The following MARCHF1 variants were observed in gnomAD, a reference collection of about 807,000 sequenced individuals.
MARCHF1 encodes membrane associated ring-CH-type finger 1, also known as E3 ubiquitin-protein ligase MARCHF1.
MARCHF1 carries 40 observed loss-of-function variants against 54.2 expected under a neutral mutation model. The ratio of observed to expected loss-of-function variants is 0.74; its 90% CI spans 0.57 to 0.96. The LOEUF is 0.96. Ranked by LOEUF, MARCHF1 falls within the 40% of genes least tolerant of loss-of-function variation. MARCHF1 has a pLI of 0.00. For synonymous variants in MARCHF1, 236 were observed against 236.3 expected (o/e 1.00, Z 0.01); for missense variants, 586 against 656.5 (o/e 0.89, Z 1.17).
At chr4:164,070,736 C>G (rs1172151437) in intron 2 of MARCHF1, among the ~76,000 whole-genome samples, 2 of 152,208 alleles carry the variant, frequency 1.3e-5, no homozygotes, top group African/African-American at 4.8e-5. Flanking sequence ...GCAAGGCAGG[C>G]AGAGTTACGC....
rs535696580 is a variant in MARCHF1 at position 164,147,867 on chromosome 4, G to A, written c.-322-36205C>T. ...AAAAATAAATTCCATTTCTCTTATG[G>A]CAAAAAAAAAATTACATATGTTATT... On this transcript the variant is annotated intron_variant, in intron 1 of 9. Coordinates refer to ENST00000514618, the MANE Select transcript of MARCHF1 (RefSeq NM_001394959.1). Among the ~76,000 whole-genome samples the A allele has an allele frequency of 6.3e-3, 745 of 117,484 alleles. 8 individuals are homozygous for A. The highest frequency in any genetic ancestry group is 0.019 in the African/African-American group (717 of 38,566). The allele number at this position is 117,484 out of a possible 152,430, so 77.1% of individuals were successfully genotyped here.
intron 9 of MARCHF1, among the ~76,000 whole-genome samples, chr4:163,537,647 C>G (rs1738583176): frequency 6.6e-6 from 1 of 152,120 alleles, no homozygotes; most frequent in South Asian, 2.1e-4. Context: ...CCATCTTTAC[C>G]TCTCAAGCAT....
intron 3 of MARCHF1, among the ~76,000 whole-genome samples, chr4:163,978,428 AT>A (rs1463446347): frequency 6.6e-6 from 1 of 152,178 alleles, no homozygotes. Context: ...AATGGTGTTT[AT>A]TTTATCCGAG....
At chr4:163,679,772 C>G (rs895850102) in intron 5 of MARCHF1, among the ~76,000 whole-genome samples, 3 of 151,926 alleles carry the variant, frequency 2.0e-5, no homozygotes, top group Non-Finnish European at 4.4e-5. Flanking sequence ...ACCACCACGC[C>G]CGGCTAATTT....
chr4:163,957,634 T>A (rs1280214118), intron 3 of MARCHF1, among the ~76,000 whole-genome samples: 3 of 152,064 alleles, frequency 2.0e-5, no homozygotes, highest in Admixed American at 6.6e-5. Context: ...ATTCTGAAAC[T>A]TAACTCTTTT....
At chr4:163,582,020 A>G (rs1467262360) in intron 8 of MARCHF1, among the ~76,000 whole-genome samples, 1 of 152,226 alleles carries the variant, frequency 6.6e-6, no homozygotes, top group East Asian at 1.9e-4. Context: ...GATAGTTGTC[A>G]GTAGTATTTG....
intron 4 of MARCHF1, among the ~76,000 whole-genome samples, chr4:163,833,301 G>A (rs932145385): frequency 7.9e-5 from 12 of 152,118 alleles, no homozygotes; most frequent in African/African-American, 2.9e-4. Context: ...CAGGACATAG[G>A]CATGGGCAAG....
chr4:163,876,227 C>A (rs910917529), intron 3 of MARCHF1, among the ~76,000 whole-genome samples: 1 of 152,110 alleles, frequency 6.6e-6, no homozygotes, highest in African/African-American at 2.4e-5. Flanking sequence ...ATATACTGCA[C>A]AACAAATTGT....
At chr4:164,309,232 C>T (rs1734779068) in intron 1 of MARCHF1, among the ~76,000 whole-genome samples, 1 of 150,866 alleles carries the variant, frequency 6.6e-6, no homozygotes. Context: ...AGGCAACTCC[C>T]AAGTGCTGGT....
chr4:164,049,480 T>G (rs6536778), intron 2 of MARCHF1, among the ~76,000 whole-genome samples: 41,629 of 151,652 alleles, frequency 0.27, 8,202 homozygotes, highest in African/African-American at 0.54. Context: ...ATCAGAGAGG[T>G]TAATGACTAA....
chr4:163,948,419 T>G (rs1459303942), intron 3 of MARCHF1, among the ~76,000 whole-genome samples: 1 of 152,208 alleles, frequency 6.6e-6, no homozygotes, highest in Non-Finnish European at 1.5e-5. Flanking sequence ...CTTTAAGACT[T>G]GAAACTTTAA....
Position 164,311,750 on chromosome 4 carries a change from G to C in MARCHF1, c.-323+72120C>G, listed in dbSNP as rs1734855475. ...CTACTCAAAAGTATTATTGGTGTCA[G>C]GTGTGTTTCACATAAGACTTAATTA... is the stretch of plus-strand genomic sequence containing the variant. On this transcript the variant is annotated intron_variant, in intron 1 of 9. Coordinates refer to ENST00000514618, the MANE Select transcript of MARCHF1 (RefSeq NM_001394959.1). Among the ~76,000 whole-genome samples, 9 of 152,228 alleles carry C rather than the reference G, an allele frequency of 5.9e-5. No individual in the cohort carries two copies. In the Middle Eastern group the frequency reaches 0.01, roughly 173 times the overall value.
chr4:163,532,659 A>G (rs1477766605), intron 9 of MARCHF1, among the ~76,000 whole-genome samples: 1 of 151,980 alleles, frequency 6.6e-6, no homozygotes, highest in Non-Finnish European at 1.5e-5. Flanking sequence ...TATCCAAAAT[A>G]TACAAAGATC....
At chr4:163,986,409 T>C (rs1004208738) in intron 3 of MARCHF1, among the ~76,000 whole-genome samples, 2 of 151,518 alleles carry the variant, frequency 1.3e-5, no homozygotes, top group Non-Finnish European at 2.9e-5. Flanking sequence ...GGACCACAGG[T>C]GCCCACCACC....
At chr4:163,653,334 T>C (rs773161147) in intron 5 of MARCHF1, among the ~76,000 whole-genome samples, 19 of 151,804 alleles carry the variant, frequency 1.3e-4, no homozygotes, top group Non-Finnish European at 2.2e-4. Context: ...GTATATCTTG[T>C]AGCATGTGGT....
intron 1 of MARCHF1, among the ~76,000 whole-genome samples, chr4:164,219,953 C>T (rs1732044421): frequency 6.6e-6 from 1 of 151,914 alleles, no homozygotes; most frequent in African/African-American, 2.4e-5. Flanking sequence ...TTACAGATTT[C>T]TATCCCGTAG....
At position 164,118,474 on chromosome 4, in the gene MARCHF1, A is replaced by G. The variant is rs1755988547; in HGVS notation, c.-322-6812T>C. Among the ~76,000 whole-genome samples, 2 of 151,034 alleles carry G rather than the reference A, an allele frequency of 1.3e-5. 1 individual carries two copies. Among genetic ancestry groups the G allele is most frequent in the South Asian group, 4.2e-4 (2 of 4,808 alleles). ...AAATAAACTGCAAAGTTTGATAAATATCAAAAGAAATACAAAATAGAACAA... is the reference window on the plus strand; with the variant it reads ...AAATAAACTGCAAAGTTTGATAAATGTCAAAAGAAATACAAAATAGAACAA... On this transcript the variant is annotated intron_variant, in intron 1 of 9. Transcript: ENST00000514618.
chr4:164,231,338 T>C (rs973344272), intron 1 of MARCHF1, among the ~76,000 whole-genome samples: 2 of 152,182 alleles, frequency 1.3e-5, no homozygotes, highest in Admixed American at 6.5e-5. Context: ...CATATTTCTA[T>C]TGATAGAGAA....
At chr4:164,345,896 T>C (rs575627620) in intron 1 of MARCHF1, among the ~76,000 whole-genome samples, 148 of 152,262 alleles carry the variant, frequency 9.7e-4, no homozygotes, top group African/African-American at 3.3e-3. Flanking sequence ...TTCTGAAGAA[T>C]TTAATAAGAG....
Sources: allele counts gnomAD v4.1 joint callset (sites outside exome capture counted in the v4.1 genomes callset), GRCh38; gene constraint gnomAD v4.1.1; transcripts MANE v1.5; gene names NCBI Gene and HGNC (gene_info 2026-07-23, HGNC 2026-07-21).